The following TSPAN33 variants were observed in gnomAD, a reference collection of about 807,000 sequenced individuals.
TSPAN33 encodes the protein tetraspanin-33.
In TSPAN33, 27 loss-of-function variants were observed where a neutral mutation model predicts 34.8. The observed-to-expected ratio is 0.78, with a 90% CI of 0.57 to 1.07. TSPAN33 has a LOEUF of 1.07. TSPAN33 is among the 50% of genes least tolerant of loss of function. The pLI is 0.00. For synonymous variants in TSPAN33, 119 were observed against 124.2 expected (o/e 0.96, Z 0.28); for missense variants, 272 against 324.9 (o/e 0.84, Z 1.25).
Position 129,169,385 on chromosome 7 carries a change from T to A in TSPAN33, c.*1511T>A, listed in dbSNP as rs1211912216. ...CCCCGCGGCGGCCTAGGCCCGCGCC[T>A]GCGTCCCCCAACCCGGAGGAGATGG... is the stretch of plus-strand genomic sequence containing the variant. On this transcript the variant is annotated 3_prime_UTR_variant, in exon 8 of 8. Transcript: ENST00000486685. 1 of 152,168 alleles carries A rather than the reference T, an allele frequency of 6.6e-6. No individual in the cohort carries two copies. The highest frequency in any genetic ancestry group is 1.5e-5 in the Non-Finnish European group (1 of 68,008). The allele number at this position is 152,168 out of a possible 1,614,324, so 9.4% of individuals were successfully genotyped here.
intron 1 of TSPAN33, among the ~76,000 whole-genome samples, chr7:129,146,302 G>C (rs189180857): frequency 6.6e-6 from 1 of 152,290 alleles, no homozygotes; most frequent in Admixed American, 6.5e-5. Flanking sequence ...CCATAGGGTG[G>C]TGATGACAGC....
chr7:129,149,272 A>T (rs1332635499), intron 1 of TSPAN33, among the ~76,000 whole-genome samples: 1 of 152,186 alleles, frequency 6.6e-6, no homozygotes, highest in Non-Finnish European at 1.5e-5. Context: ...AAAGGAAAAA[A>T]GAAGGCTGGG....
intron 1 of TSPAN33, among the ~76,000 whole-genome samples, chr7:129,149,979 A>T (rs940869848): frequency 1.3e-5 from 2 of 152,216 alleles, no homozygotes; most frequent in Non-Finnish European, 2.9e-5. Flanking sequence ...CTTCATCCAG[A>T]TATAAGGGTA....
At chr7:129,146,312 C>T (rs193246827) in intron 1 of TSPAN33, among the ~76,000 whole-genome samples, 4 of 152,248 alleles carry the variant, frequency 2.6e-5, no homozygotes, top group South Asian at 2.1e-4. Flanking sequence ...GTGATGACAG[C>T]GCACTCAGCC....
At chr7:129,164,637 C>A in intron 5 of TSPAN33, 68 bp downstream of exon 5, 1 of 1,401,298 alleles carries the variant, frequency 7.1e-7, no homozygotes, top group South Asian at 1.2e-5. Context: ...GATGCCTCAC[C>A]CTCTATGCCT....
chr7:129,145,796 C>T (rs924159089), intron 1 of TSPAN33, among the ~76,000 whole-genome samples: 2 of 151,652 alleles, frequency 1.3e-5, no homozygotes, highest in Non-Finnish European at 2.9e-5. Context: ...ACTCCGGACA[C>T]CTGGATTCCC....
At position 129,155,983 on chromosome 7, in the gene TSPAN33, G is replaced by A. The variant is rs77123142; in HGVS notation, c.103-5696G>A. Among the ~76,000 whole-genome samples the A allele has an allele frequency of 1.1e-3, 173 of 152,064 alleles. 4 individuals carry two copies. The East Asian group carries it at 0.031, about 27-fold the overall frequency. On this transcript the variant is annotated intron_variant, in intron 1 of 7. Transcript: ENST00000486685. ...TGAGCTCAAACCATCCTCCCCGCTC[G>A]ACCTCCCAAAGTTCTGGGATTCCAG...
intron 4 of TSPAN33, among the ~76,000 whole-genome samples, 188 bp downstream of exon 4, chr7:129,163,095 T>C (rs919551): frequency 0.78 from 119,213 of 152,206 alleles, 46,882 homozygotes; most frequent in Non-Finnish European, 0.8. Context: ...TTTAAGATCA[T>C]AAGGTGCTTT....
At chr7:129,150,756 C>T (rs918922506) in intron 1 of TSPAN33, among the ~76,000 whole-genome samples, 1 of 152,074 alleles carries the variant, frequency 6.6e-6, no homozygotes, top group Non-Finnish European at 1.5e-5. Flanking sequence ...TGTAAATGCT[C>T]CTAGAGGTCA....
chr7:129,153,474 A>ACTT, intron 1 of TSPAN33, among the ~76,000 whole-genome samples: 1 of 152,210 alleles, frequency 6.6e-6, no homozygotes, highest in Middle Eastern at 3.2e-3. Context: ...ATTAAAGAGA[A>ACTT]AAGAATTAAA....
chr7:129,147,812 T>C (rs1306977645), intron 1 of TSPAN33, among the ~76,000 whole-genome samples: 2 of 152,194 alleles, frequency 1.3e-5, no homozygotes, highest in African/African-American at 4.8e-5. Context: ...CTACGTCTGC[T>C]GTTGCTCTAG....
At chr7:129,161,484 A>C (rs1027065602) in intron 1 of TSPAN33, among the ~76,000 whole-genome samples, 195 bp from the exon 2 acceptor site, 1 of 152,196 alleles carries the variant, frequency 6.6e-6, no homozygotes, top group African/African-American at 2.4e-5. Flanking sequence ...AATGAAAAAT[A>C]TGATGTGGGT....
Position 129,146,820 on chromosome 7 carries a change from G to A in TSPAN33, c.102+1738G>A, listed in dbSNP as rs1045117173. Among the ~76,000 whole-genome samples, 7 of 152,258 alleles carry A rather than the reference G, an allele frequency of 4.6e-5. No homozygotes were observed. In the East Asian group the frequency reaches 5.8e-4, roughly 13 times the overall value. ...ACTAGCATTTCAGGGACTTTAGGTC[G>A]TCACTCTGACTTCCTTTATCTGCCG... On this transcript the variant is annotated intron_variant, in intron 1 of 7. Coordinates refer to ENST00000486685, the MANE Select transcript of TSPAN33 (RefSeq NM_178562.5).
chr7:129,154,784 AG>A, intron 1 of TSPAN33, among the ~76,000 whole-genome samples: 1 of 152,226 alleles, frequency 6.6e-6, no homozygotes, highest in South Asian at 2.1e-4. Context: ...TTGGGGTGGG[AG>A]GAGGTAATAG....
chr7:129,161,723 A>C lies in TSPAN33; in HGVS notation c.147A>C (p.Leu49=), dbSNP rs773181726. The C allele has an allele frequency of 2.0e-5, 32 of 1,614,014 alleles. No homozygotes were observed. Among genetic ancestry groups the C allele is most frequent in the Middle Eastern group, 3.3e-4 (2 of 6,080 alleles). Reference sequence around the variant, plus strand: ...TGGCTGTGGGTGTCTACGCTCGGCTAATGAAGCATGCAGGTGAGCTGTAGC... The same window carrying C: ...TGGCTGTGGGTGTCTACGCTCGGCTCATGAAGCATGCAGGTGAGCTGTAGC... The part of the protein sequence containing the change: ...VMVAVGVYAR[L]MKHAEAALAC... The change falls in exon 2 of 8, where the codon CTA becomes CTC. Residue 49 remains leucine, a synonymous_variant. Transcript: ENST00000486685.
At chr7:129,152,779 C>G (rs993853832) in intron 1 of TSPAN33, among the ~76,000 whole-genome samples, 3 of 151,958 alleles carry the variant, frequency 2.0e-5, no homozygotes, top group Non-Finnish European at 4.4e-5. Context: ...CTAAGTGAAC[C>G]GAACGCGGGT....
chr7:129,164,101 GTGTCCACT>G (rs893173308), intron 4 of TSPAN33, among the ~76,000 whole-genome samples: 1 of 152,176 alleles, frequency 6.6e-6, no homozygotes, highest in African/African-American at 2.4e-5. Context: ...CAATTATCTA[GTGTCCACT>G]AGAGGGCAGT....
At chr7:129,153,115 AAGAAGCCGGACAC>A (rs1316837671) in intron 1 of TSPAN33, among the ~76,000 whole-genome samples, 1 of 152,082 alleles carries the variant, frequency 6.6e-6, no homozygotes, top group Non-Finnish European at 1.5e-5. Context: ...TGCTAAGTGA[AAGAAGCCGGACAC>A]AGAGGGTCAC....
rs1793168952 is a variant in TSPAN33 at position 129,167,897 on chromosome 7, C to T, written c.*23C>T. The stretch of plus-strand genomic sequence containing the variant: ...TGAGAATCCATCCTGCACCTCCTCA[C>T]CATGGAAACTGGCAAGCCTCATAAA... On this transcript the variant is annotated 3_prime_UTR_variant, in exon 8 of 8. Transcript: ENST00000486685. This position sits in a 1 kb window ranked among gnomAD's most constrained non-coding sequence, Gnocchi z 4.6. The T allele has an allele frequency of 6.2e-7, 1 of 1,612,008 alleles. No individual in the cohort carries two copies. The highest frequency in any genetic ancestry group is 1.3e-5 in the African/African-American group (1 of 74,862).
Sources: gnomAD v4.1 joint callset for allele counts (sites outside exome capture counted in the v4.1 genomes callset) on GRCh38, gnomAD v4.1.1 for gene constraint, Gnocchi (gnomAD v3.1) non-coding constraint, MANE v1.5 for transcripts, NCBI Gene and HGNC (gene_info 2026-07-23, HGNC 2026-07-21) for gene names.